TIPARP: variants seen among roughly 807,000 people sequenced by gnomAD.
TIPARP encodes TCDD inducible poly(ADP-ribose) polymerase.
In TIPARP, 12 loss-of-function variants were observed where a neutral mutation model predicts 56.5. That is an observed-to-expected ratio of 0.21 (90% CI 0.14 to 0.34). The LOEUF (loss-of-function observed/expected upper bound fraction) is 0.34, where lower values mean the gene tolerates loss of function less well. TIPARP is among the 10% of genes least tolerant of loss of function. The pLI, the probability that TIPARP is intolerant of heterozygous loss-of-function variation, is 1.00. For synonymous variants in TIPARP, 296 were observed against 265.7 expected, an observed-to-expected ratio of 1.11 and a Z score of -1.11; for missense variants, 604 against 781.6, an observed-to-expected ratio of 0.77 and a Z score of 2.71.
At chr3:156,695,092 CA>C (rs377154935) in intron 3 of TIPARP, among the ~76,000 whole-genome samples, 4 of 152,218 alleles carry the variant, frequency 2.6e-5, no homozygotes, top group African/African-American at 9.6e-5. Flanking sequence ...AAATAGAATA[CA>C]AGGCTGTTTA....
chr3:156,675,990 G>T (rs1211665725), intron 1 of TIPARP, among the ~76,000 whole-genome samples: 1 of 152,230 alleles, frequency 6.6e-6, no homozygotes, highest in Non-Finnish European at 1.5e-5. Flanking sequence ...GCGCGCGCTT[G>T]CGTGTGTACG....
chr3:156,693,607 A>G (rs1241975048), intron 2 of TIPARP, among the ~76,000 whole-genome samples: 2 of 152,088 alleles, frequency 1.3e-5, no homozygotes, highest in Non-Finnish European at 1.5e-5. Flanking sequence ...AAGTAAACTG[A>G]TGGCCTCTGA....
chr3:156,679,331 A>G (rs1483315794), intron 2 of TIPARP, among the ~76,000 whole-genome samples: 1 of 152,224 alleles, frequency 6.6e-6, no homozygotes, highest in Non-Finnish European at 1.5e-5. Context: ...CACATAACTC[A>G]GTTCTTTTAG....
chr3:156,693,850 G>A (rs1722640249), intron 2 of TIPARP, among the ~76,000 whole-genome samples, 170 bp from the exon 3 acceptor site: 1 of 152,174 alleles, frequency 6.6e-6, no homozygotes. Context: ...AATGGATGCT[G>A]TGGAAACAAC....
intron 1 of TIPARP, among the ~76,000 whole-genome samples, chr3:156,677,396 T>C (rs768406986): frequency 6.6e-6 from 1 of 152,220 alleles, no homozygotes; most frequent in Non-Finnish European, 1.5e-5. Context: ...CAAACTCTTA[T>C]GTATTCAGTC....
At chr3:156,689,518 T>C (rs1378024808) in intron 2 of TIPARP, among the ~76,000 whole-genome samples, 2 of 152,236 alleles carry the variant, frequency 1.3e-5, no homozygotes, top group African/African-American at 2.4e-5. Flanking sequence ...TAAATCATTC[T>C]TCTATACCAC....
rs561247924 is a variant in TIPARP, at chr3:156,698,107, C to T, written c.1247+2082C>T. On this transcript the variant is annotated intron_variant, in intron 4 of 5. Coordinates refer to ENST00000295924, the MANE Select transcript of TIPARP (RefSeq NM_015508.5). ...CATTCCCTTAAGCCAAAGCCTAATC[C>T]GGAGCAAGGCCCTAACTTTTTTCAG... 4.6e-5 allele frequency among the ~76,000 whole-genome samples: 7 copies of T among 152,250 alleles called. No homozygotes were observed. The South Asian group carries it at 1.0e-3, about 23-fold the overall frequency.
chr3:156,696,199 C>T (rs769108884), intron 4 of TIPARP, among the ~76,000 whole-genome samples, 174 bp downstream of exon 4: 5 of 152,122 alleles, frequency 3.3e-5, no homozygotes, highest in East Asian at 1.9e-4. Context: ...AAATAAGCTA[C>T]AATAAATCCA....
Position 156,705,214 on chromosome 3 carries a change from G to T in TIPARP, c.*83G>T. 3 of 479,656 alleles carry T rather than the reference G, an allele frequency of 6.3e-6. No homozygotes were observed. The highest frequency in any genetic ancestry group is 7.5e-6 in the Non-Finnish European group (2 of 266,146). 29.7% of individuals were successfully genotyped at this position (479,656 alleles called of 1,614,324 possible). A position where few individuals can be genotyped will look rare whatever the true frequency, so the allele number is the denominator to read the frequency against. ...TTTTGAATGGGTGGGACTGGGTGGG[G>T]AACAGCATTGGACATTAATAGGGCA... On this transcript the variant is annotated 3_prime_UTR_variant, in exon 6 of 6. Coordinates refer to ENST00000295924, the MANE Select transcript of TIPARP (RefSeq NM_015508.5).
chr3:156,691,712 G>A (rs1419046654), intron 2 of TIPARP, among the ~76,000 whole-genome samples: 2 of 152,148 alleles, frequency 1.3e-5, no homozygotes, highest in Admixed American at 6.6e-5. Flanking sequence ...TTAAGGGAGA[G>A]CAGGTGGTAA....
At chr3:156,682,930 G>T (rs1209788135) in intron 2 of TIPARP, among the ~76,000 whole-genome samples, 1 of 152,140 alleles carries the variant, frequency 6.6e-6, no homozygotes, top group Admixed American at 6.5e-5. Flanking sequence ...ACTTCTTTAT[G>T]CTACTATTTA....
intron 2 of TIPARP, among the ~76,000 whole-genome samples, chr3:156,685,250 T>C (rs946291646): frequency 7.9e-5 from 12 of 152,246 alleles, no homozygotes; most frequent in African/African-American, 2.7e-4. Context: ...ATTTGCCGTT[T>C]CCACACAACA....
At chr3:156,685,062 A>C (rs1722398289) in intron 2 of TIPARP, among the ~76,000 whole-genome samples, 1 of 152,230 alleles carries the variant, frequency 6.6e-6, no homozygotes. Context: ...TGTGAAGAGG[A>C]CAGTATTGCA....
intron 3 of TIPARP, among the ~76,000 whole-genome samples, chr3:156,694,410 A>G (rs1722657816): frequency 6.6e-6 from 1 of 152,192 alleles, no homozygotes. Flanking sequence ...GCATACCACT[A>G]TTATCAGATA....
chr3:156,702,276 A>G (rs1218496616), intron 4 of TIPARP, among the ~76,000 whole-genome samples: 2 of 152,170 alleles, frequency 1.3e-5, no homozygotes, highest in Non-Finnish European at 2.9e-5. Flanking sequence ...TTTGCTAGCT[A>G]TACTCGGGCA....
rs1425278368 is a variant in TIPARP, at chr3:156,694,178, A to C, written c.1076A>C (p.Glu359Ala). 6.3e-7 allele frequency: 1 copy of C among 1,599,216 alleles called. No individual in the cohort carries two copies. Among genetic ancestry groups the C allele is most frequent in the African/African-American group, 1.4e-5 (1 of 73,998 alleles). The change falls in exon 3 of 6, where the codon GAG becomes GCG. Residue 359 changes from glutamate to alanine, a missense_variant. Glu to Ala is a moderately radical substitution (Grantham distance 107). Coordinates refer to ENST00000295924, the MANE Select transcript of TIPARP (RefSeq NM_015508.5). ...FFCRDHFGWREYPESVIRLIE... is the reference protein window; with the variant it reads ...FFCRDHFGWRAYPESVIRLIE... ...TGTAGGGACCACTTTGGATGGAGAG[A>C]GTATCCCGAGGTATTTACAGATTCT... is the stretch of plus-strand genomic sequence containing the variant.
At chr3:156,683,738 G>T (rs1722360842) in intron 2 of TIPARP, among the ~76,000 whole-genome samples, 1 of 152,118 alleles carries the variant, frequency 6.6e-6, no homozygotes, top group African/African-American at 2.4e-5. Context: ...TCTAATCATG[G>T]TCAGTGATCC....
chr3:156,675,273 G>C (rs1346183956), intron 1 of TIPARP: 1 of 152,286 alleles, frequency 6.6e-6, no homozygotes, highest in East Asian at 1.9e-4. Flanking sequence ...CATTAACTTT[G>C]AGAGCGCACA....
Position 156,677,779 on chromosome 3 carries a change from A to T in TIPARP, c.82A>T (p.Arg28Ter), listed in dbSNP as rs1722181634. The change falls in exon 2 of 6, where the codon AGA becomes TGA. Residue 28 changes from arginine to a stop codon, truncating the protein, a stop_gained. Coordinates refer to ENST00000295924, the MANE Select transcript of TIPARP (RefSeq NM_015508.5). LOFTEE classifies it high-confidence loss of function. ...TCCTGATGACTTTTCATGCCAAATG[A>T]GACTCTCTGAGAAGATCACTCCATT... ...SPPDDFSCQMRLSEKITPLKT... is the reference protein window; with the variant it reads ...SPPDDFSCQM The T allele has an allele frequency of 6.2e-7, 1 of 1,614,200 alleles. No individual in the cohort carries two copies. Among genetic ancestry groups the T allele is most frequent in the African/African-American group, 1.3e-5 (1 of 75,046 alleles).
Sources: allele counts gnomAD v4.1 joint callset (sites outside exome capture counted in the v4.1 genomes callset), GRCh38; gene constraint gnomAD v4.1.1; transcripts MANE v1.5; gene names NCBI Gene and HGNC (gene_info 2026-07-23, HGNC 2026-07-21).